ASIC2: variants seen among roughly 807,000 people sequenced by gnomAD.
ASIC2 encodes the protein acid-sensing ion channel 2.
A neutral mutation model predicts 57.3 loss-of-function variants in ASIC2; 25 were observed. The observed-to-expected ratio is 0.44, with a 90% CI of 0.32 to 0.61. The LOEUF is 0.61. ASIC2 is among the 20% of genes least tolerant of loss of function. The pLI is 0.06. For synonymous variants in ASIC2, 319 were observed against 307.5 expected, an observed-to-expected ratio of 1.04 and a Z score of -0.39; for missense variants, 641 against 738.1, an observed-to-expected ratio of 0.87 and a Z score of 1.52.
rs867679192 is a variant in ASIC2 at position 33,464,484 on chromosome 17, C to T, written c.556-352417G>A. Among the ~76,000 whole-genome samples, 12 of 36,748 alleles carry T rather than the reference C, an allele frequency of 3.3e-4. 1 individual carries two copies. Among genetic ancestry groups the T allele is most frequent in the South Asian group, 2.3e-3 (2 of 862 alleles). 24.1% of individuals were successfully genotyped at this position (36,748 alleles called of 152,430 possible). A position where few individuals can be genotyped will look rare whatever the true frequency, so the allele number is the denominator to read the frequency against. On this transcript the variant is annotated intron_variant, in intron 1 of 9. Transcript: ENST00000359872. ...CTTTCTTTCTTTCTTTCTTTTCTCT[C>T]TTTCTTTCTTTCTTTCTTTCTTTCT... is the stretch of plus-strand genomic sequence containing the variant.
At chr17:33,164,158 AC>A (rs1249838125) in intron 1 of ASIC2, among the ~76,000 whole-genome samples, 2 of 152,144 alleles carry the variant, frequency 1.3e-5, no homozygotes, top group East Asian at 3.8e-4. Flanking sequence ...TTCTTGCCCT[AC>A]CTGGGGCTGG....
chr17:33,198,414 A>T (rs1185682786), intron 1 of ASIC2, among the ~76,000 whole-genome samples: 1 of 152,248 alleles, frequency 6.6e-6, no homozygotes, highest in Non-Finnish European at 1.5e-5. Context: ...CAGTTGACTC[A>T]CATAAACTAG....
intron 1 of ASIC2, among the ~76,000 whole-genome samples, chr17:33,438,864 T>C (rs946815217): frequency 2.0e-5 from 3 of 151,408 alleles, no homozygotes; most frequent in Admixed American, 1.3e-4. Flanking sequence ...TTTTTTTTTT[T>C]TTTGAGACAG....
At chr17:33,937,584 C>A (rs1916095472) in intron 1 of ASIC2, among the ~76,000 whole-genome samples, 1 of 152,184 alleles carries the variant, frequency 6.6e-6, no homozygotes, top group African/African-American at 2.4e-5. Flanking sequence ...TGGGTAAGGT[C>A]ATTTTCAATA....
chr17:33,799,443 T>TTTCTTTCTTTCTTTC (rs1567719128), intron 1 of ASIC2, among the ~76,000 whole-genome samples: 16 of 78,596 alleles, frequency 2.0e-4, no homozygotes, highest in Non-Finnish European at 2.7e-4. Context: ...TCTTTCTTTC[T>TTTCTTTCTTTCTTTC]TTCTTTCTTT....
chr17:33,914,649 C>T (rs2141961093), intron 1 of ASIC2, among the ~76,000 whole-genome samples: 1 of 152,310 alleles, frequency 6.6e-6, no homozygotes, highest in South Asian at 2.1e-4. Flanking sequence ...TGAGGACACG[C>T]AGTGTTGTAG....
intron 1 of ASIC2, among the ~76,000 whole-genome samples, chr17:33,202,306 C>G (rs141906152): frequency 6.6e-6 from 1 of 152,252 alleles, no homozygotes; most frequent in East Asian, 1.9e-4. Flanking sequence ...GTTCATTATG[C>G]GTGATGAGTT....
intron 1 of ASIC2, among the ~76,000 whole-genome samples, chr17:34,026,069 C>T (rs886706264): frequency 6.6e-6 from 1 of 152,152 alleles, no homozygotes; most frequent in South Asian, 2.1e-4. Context: ...CTTTTAAGGG[C>T]TCAGTGCACT....
intron 1 of ASIC2, among the ~76,000 whole-genome samples, chr17:33,500,884 C>T (rs55961909): frequency 1.1e-4 from 17 of 152,372 alleles, no homozygotes; most frequent in Non-Finnish European, 2.1e-4. Context: ...TTCAGCTGGC[C>T]TGGTGTTCCT....
At chr17:33,153,583 T>A (rs935634432) in intron 1 of ASIC2, among the ~76,000 whole-genome samples, 1 of 152,240 alleles carries the variant, frequency 6.6e-6, no homozygotes, top group Non-Finnish European at 1.5e-5. Flanking sequence ...TCTACTATTT[T>A]GACGACAGTT....
At chr17:33,327,570 A>G (rs1049291030) in intron 1 of ASIC2, among the ~76,000 whole-genome samples, 7 of 152,170 alleles carry the variant, frequency 4.6e-5, no homozygotes, top group African/African-American at 1.7e-4. Flanking sequence ...AATGTGACCA[A>G]TTCCCTACCC....
intron 1 of ASIC2, among the ~76,000 whole-genome samples, chr17:33,317,237 C>G (rs954383331): frequency 6.6e-6 from 1 of 152,160 alleles, no homozygotes; most frequent in African/African-American, 2.4e-5. Flanking sequence ...TGCTGTGATT[C>G]CCATGTTTGT....
At chr17:33,728,740 A>G (rs1909641956) in intron 1 of ASIC2, among the ~76,000 whole-genome samples, 1 of 152,136 alleles carries the variant, frequency 6.6e-6, no homozygotes, top group Non-Finnish European at 1.5e-5. Flanking sequence ...ATGGGAGGGA[A>G]TGAGTTGTCA....
chr17:34,140,653 G>C (rs906951589), intron 1 of ASIC2, among the ~76,000 whole-genome samples: 6 of 152,158 alleles, frequency 3.9e-5, no homozygotes, highest in African/African-American at 1.4e-4. Context: ...TCAGCTGGAA[G>C]GGGTTCCCAA....
chr17:33,414,801 C>T (rs1220391498), intron 1 of ASIC2, among the ~76,000 whole-genome samples: 1 of 152,226 alleles, frequency 6.6e-6, no homozygotes, highest in Non-Finnish European at 1.5e-5. Flanking sequence ...TTCAAAATGA[C>T]ATCTTTTAAT....
chr17:33,340,124 TGTC>T (rs1412403032), intron 1 of ASIC2, among the ~76,000 whole-genome samples: 1 of 152,182 alleles, frequency 6.6e-6, no homozygotes, highest in Non-Finnish European at 1.5e-5. Flanking sequence ...AATGTGGAAA[TGTC>T]AGCAGCGTTA....
intron 1 of ASIC2, among the ~76,000 whole-genome samples, chr17:33,469,867 T>C (rs1912986484): frequency 6.6e-6 from 1 of 152,202 alleles, no homozygotes; most frequent in African/African-American, 2.4e-5. Flanking sequence ...AATTTCAATA[T>C]AGCAGCTAAG....
At chr17:33,056,926 T>C (rs1342445160) in intron 3 of ASIC2, among the ~76,000 whole-genome samples, 3 of 152,222 alleles carry the variant, frequency 2.0e-5, no homozygotes, top group Admixed American at 2.0e-4. Flanking sequence ...GGCCACATTG[T>C]ACTTTGGTCT....
chr17:33,530,862 T>C (rs893152735), intron 1 of ASIC2, among the ~76,000 whole-genome samples: 1 of 152,216 alleles, frequency 6.6e-6, no homozygotes, highest in African/African-American at 2.4e-5. Flanking sequence ...GGTTTTCGAG[T>C]TCCTGCTCTG....
Sources: allele counts gnomAD v4.1 joint callset (sites outside exome capture counted in the v4.1 genomes callset), GRCh38; gene constraint gnomAD v4.1.1; transcripts MANE v1.5; gene names NCBI Gene and HGNC (gene_info 2026-07-23, HGNC 2026-07-21).